DNAH17: variants seen among roughly 807,000 people sequenced by gnomAD.
The protein encoded by DNAH17 is dynein axonemal heavy chain 17.
DNAH17 carries 376 observed loss-of-function variants against 485.6 expected under a neutral mutation model. That is an observed-to-expected ratio of 0.77 (90% CI 0.71 to 0.84). The LOEUF (loss-of-function observed/expected upper bound fraction) is 0.84. DNAH17 is among the 40% of genes least tolerant of loss of function. The probability of loss-of-function intolerance (pLI) is 0.00; values close to 1 mark genes in which losing one functional copy is unlikely to be tolerated. For synonymous variants in DNAH17, 3,031 were observed against 2,405.9 expected, an observed-to-expected ratio of 1.26 and a Z score of -7.60; for missense variants, 6,370 against 5,839.3, an observed-to-expected ratio of 1.09 and a Z score of -2.96.
chr17:78,447,420 T>C (rs1057008828), intron 69 of DNAH17, among the ~76,000 whole-genome samples: 1 of 152,156 alleles, frequency 6.6e-6, no homozygotes, highest in Non-Finnish European at 1.5e-5. Context: ...GTCTGGGTCA[T>C]TTTGAAGTGG....
intron 54 of DNAH17, among the ~76,000 whole-genome samples, chr17:78,472,238 TGGAGTAGGGGTGCGAGGGTTAGGGTTAG>T (rs1444272694): frequency 4.2e-3 from 444 of 106,450 alleles, no homozygotes; most frequent in Admixed American, 8.6e-3. Flanking sequence ...ATTAGGGTTA[TGGAGTAGGGGTGCGAGGGTTAGGGTTAG>T]GGAGTAGGGG....
chr17:78,480,683 C>T lies in DNAH17; in HGVS notation c.7752+1G>A. 1 of 1,612,912 alleles carries T rather than the reference C, an allele frequency of 6.2e-7. No individual in the cohort carries two copies. The highest frequency in any genetic ancestry group is 1.7e-5 in the Admixed American group (1 of 59,836). ...CGGGGATGAGTATGGTTTCTGCTTA[C>T]CTGAAGCCTGGAGTCGATGGTGAAG... On this transcript the variant is annotated splice_donor_variant, in intron 49 of 80. Transcript: ENST00000389840. LOFTEE classifies it high-confidence loss of function.
chr17:78,550,209 C>A (rs369416061), intron 16 of DNAH17, among the ~76,000 whole-genome samples: 2 of 152,204 alleles, frequency 1.3e-5, no homozygotes, highest in Non-Finnish European at 2.9e-5. Flanking sequence ...CGACGTCCAG[C>A]GGACATTAAC....
chr17:78,424,183 T>G (rs375788901), intron 80 of DNAH17, 30 bp from the exon 81 acceptor site: 7 of 1,585,968 alleles, frequency 4.4e-6, no homozygotes, highest in Non-Finnish European at 3.4e-6. Flanking sequence ...GAGGGTCAGG[T>G]GTGCTGCCAG....
chr17:78,460,045 G>T (rs779731001), intron 59 of DNAH17, 44 bp from the exon 60 acceptor site: 2 of 1,606,114 alleles, frequency 1.2e-6, no homozygotes, highest in South Asian at 1.1e-5. Context: ...GTTTGGACCG[G>T]GTCCTCGGTG....
At chr17:78,487,146 C>T (rs1435717695) in intron 44 of DNAH17, among the ~76,000 whole-genome samples, 3 of 152,156 alleles carry the variant, frequency 2.0e-5, no homozygotes, top group Non-Finnish European at 4.4e-5. Context: ...TGGCCCACCA[C>T]GGCGGTGAGG....
At position 78,553,283 on chromosome 17, in the gene DNAH17, G is replaced by GTTTTTTTTTT. The variant is rs60587420; in HGVS notation, c.2179-488_2179-479dup. Among the ~76,000 whole-genome samples, 123 of 51,028 alleles carry GTTTTTTTTTT rather than the reference G, an allele frequency of 2.4e-3. 21 individuals are homozygous for GTTTTTTTTTT. Among genetic ancestry groups the GTTTTTTTTTT allele is most frequent in the South Asian group, 3.3e-3 (5 of 1,496 alleles). The allele number at this position is 51,028 out of a possible 152,430, so 33.5% of individuals were successfully genotyped here. A position where few individuals can be genotyped will look rare whatever the true frequency, so the allele number is the denominator to read the frequency against. ...AAATTACCCAGTCCCAGGTTTTTGTGTTTTTTTTTTTTTTTTTTTTTTTTT... is the reference window on the plus strand; with the variant it reads ...AAATTACCCAGTCCCAGGTTTTTGTGTTTTTTTTTTTTTTTTTTTTTTTTTTTTTTTTTTT... On this transcript the variant is annotated intron_variant, in intron 14 of 80. Transcript: ENST00000389840.
At chr17:78,524,952 G>C (rs965973606) in intron 25 of DNAH17, 57 bp downstream of exon 25, 3 of 1,546,306 alleles carry the variant, frequency 1.9e-6, no homozygotes, top group Non-Finnish European at 2.6e-6. Context: ...TCTTGTTGCC[G>C]GGGGCAGCTC....
Position 78,480,818 on chromosome 17 carries a change from C to T in DNAH17, c.7650-32G>A, listed in dbSNP as rs145843719. On this transcript the variant is annotated intron_variant, in intron 48 of 80. Transcript: ENST00000389840. ...GGGGAAACCAGCATTCATGTTGTGC[C>T]CCTGGCCTGGAGGAACCATCCCCTG... The T allele has an allele frequency of 1.4e-3, 2,104 of 1,548,962 alleles. 17 individuals carry two copies. In the African/African-American group the frequency reaches 0.023, roughly 17 times the overall value.
intron 48 of DNAH17, among the ~76,000 whole-genome samples, chr17:78,481,107 CTT>C (rs34712569): frequency 7.7e-6 from 1 of 129,364 alleles, no homozygotes; most frequent in Admixed American, 8.3e-5. Flanking sequence ...CATCCCCCGG[CTT>C]TTTTTTTTTT....
At chr17:78,484,819 CTCACCGCCCCGGGGCCACGCCT>C (rs1340665983) in intron 48 of DNAH17, 27 bp downstream of exon 48, 1 of 1,470,574 alleles carries the variant, frequency 6.8e-7, no homozygotes, top group South Asian at 1.3e-5. Flanking sequence ...TGGCCCCGCC[CTCACCGCCCCGGGGCCACGCCT>C]TCCCCTCCGG....
chr17:78,545,423 C>T (rs1412733592), intron 16 of DNAH17, among the ~76,000 whole-genome samples: 2 of 152,142 alleles, frequency 1.3e-5, no homozygotes, highest in Admixed American at 6.6e-5. Context: ...AATCTGAGAT[C>T]AAGGTGCCGG....
rs77420079 is a variant in DNAH17 at position 78,428,488 on chromosome 17, C to T, written c.12588+37G>A. 4,065 of 1,558,738 alleles carry T rather than the reference C, an allele frequency of 2.6e-3. 94 individuals are homozygous for T. The African/African-American group carries it at 0.049, about 19-fold the overall frequency. On this transcript the variant is annotated intron_variant, in intron 77 of 80. Coordinates refer to ENST00000389840, the MANE Select transcript of DNAH17 (RefSeq NM_173628.4). ...CCCCTCCTCAGTTCTAGATCCTCCC[C>T]CTTCCTCTCGCTTGGGAGCAGTTTC...
intron 25 of DNAH17, among the ~76,000 whole-genome samples, chr17:78,518,233 T>C (rs532125920): frequency 1.3e-5 from 2 of 152,332 alleles, no homozygotes; most frequent in Admixed American, 6.5e-5. Context: ...CCCAATCATA[T>C]GCTGTATATA....
intron 65 of DNAH17, among the ~76,000 whole-genome samples, chr17:78,452,811 G>A (rs534129480): frequency 5.9e-5 from 9 of 152,340 alleles, no homozygotes; most frequent in African/African-American, 2.2e-4. Flanking sequence ...TCTCTTCAGA[G>A]GAAATGTCCA....
At chr17:78,431,270 T>G (rs950108960) in intron 75 of DNAH17, among the ~76,000 whole-genome samples, 6 of 152,240 alleles carry the variant, frequency 3.9e-5, no homozygotes, top group Non-Finnish European at 5.9e-5. Flanking sequence ...CACAACTGTT[T>G]GCGGGCTGCT....
At chr17:78,532,343 G>A (rs536356484) in intron 20 of DNAH17, 139 bp downstream of exon 20, 6 of 1,213,264 alleles carry the variant, frequency 4.9e-6, no homozygotes, top group African/African-American at 4.6e-5. Context: ...TCTAATGGTG[G>A]TCACCTCCTG....
chr17:78,491,120 T>G (rs564927934), intron 43 of DNAH17, among the ~76,000 whole-genome samples: 1 of 152,208 alleles, frequency 6.6e-6, no homozygotes, highest in Non-Finnish European at 1.5e-5. Context: ...CTGGAAAGTA[T>G]TGTGTTCCTT....
intron 55 of DNAH17, among the ~76,000 whole-genome samples, chr17:78,467,948 G>T (rs1333613962): frequency 6.6e-6 from 1 of 151,212 alleles, no homozygotes; most frequent in Non-Finnish European, 1.5e-5. Context: ...AACCCAGGAG[G>T]CAGAGGTTGC....
Sources: allele counts gnomAD v4.1 joint callset (sites outside exome capture counted in the v4.1 genomes callset), GRCh38; gene constraint gnomAD v4.1.1; transcripts MANE v1.5; gene names NCBI Gene and HGNC (gene_info 2026-07-23, HGNC 2026-07-21).